Variants in CASR observed in about 807,000 individuals in gnomAD.
The protein encoded by CASR is extracellular calcium-sensing receptor.
In CASR, 23 loss-of-function variants were observed where a neutral mutation model predicts 69.1. The observed-to-expected ratio is 0.33, with a 90% CI of 0.24 to 0.47. CASR has a LOEUF of 0.47. CASR is among the 20% of genes least tolerant of loss of function. The pLI, the probability that CASR is intolerant of heterozygous loss-of-function variation, is 1.00. For synonymous variants in CASR, 541 were observed against 544.7 expected, an observed-to-expected ratio of 0.99 and a Z score of 0.10; for missense variants, 924 against 1,356.1, an observed-to-expected ratio of 0.68 and a Z score of 5.00.
rs78575810 is a variant in CASR, at chr3:122,214,680, A to G, written c.-243+30868A>G. 5.0e-3 allele frequency among the ~76,000 whole-genome samples: 768 copies of G among 152,344 alleles called. 4 individuals carry two copies. The highest frequency in any genetic ancestry group is 0.018 in the African/African-American group (731 of 41,570). ...CATAAACTGTATAGGTACACTTTAC[A>G]TCCTAGACTCTAATGGCTAGAATTT... On this transcript the variant is annotated intron_variant, in intron 1 of 6. Coordinates refer to ENST00000639785, the MANE Select transcript of CASR (RefSeq NM_000388.4).
At chr3:122,256,691 C>T (rs2074557983) in intron 2 of CASR, among the ~76,000 whole-genome samples, 1 of 152,166 alleles carries the variant, frequency 6.6e-6, no homozygotes, top group African/African-American at 2.4e-5. Flanking sequence ...AATCTCAGCT[C>T]ACTGCAACTT....
intron 1 of CASR, among the ~76,000 whole-genome samples, chr3:122,249,243 T>C (rs9875101): frequency 0.67 from 101,649 of 152,104 alleles, 34,272 homozygotes; most frequent in Admixed American, 0.78. Flanking sequence ...TTAATTCTCT[T>C]TCCCAGCAAT....
chr3:122,241,831 A>G lies in CASR; in HGVS notation c.-242-12117A>G, dbSNP rs1010335998. On this transcript the variant is annotated intron_variant, in intron 1 of 6. Transcript: ENST00000639785. ...CAATACATTAAAAATATCATTCATC[A>G]TGACCAAGTGGGATCTATCCTGTGG... is the stretch of plus-strand genomic sequence containing the variant. Among the ~76,000 whole-genome samples the G allele has an allele frequency of 2.8e-4, 42 of 152,188 alleles. 1 individual carries two copies. The highest frequency in any genetic ancestry group is 1.0e-4 in the Non-Finnish European group (7 of 68,022).
intron 1 of CASR, among the ~76,000 whole-genome samples, chr3:122,213,954 G>T (rs1204257570): frequency 6.6e-6 from 1 of 152,106 alleles, no homozygotes; most frequent in Non-Finnish European, 1.5e-5. Flanking sequence ...CATTGTTCTG[G>T]ACCCATATCA....
intron 5 of CASR, among the ~76,000 whole-genome samples, chr3:122,281,369 T>C (rs961689216): frequency 3.3e-5 from 5 of 152,256 alleles, no homozygotes; most frequent in Admixed American, 1.3e-4. Flanking sequence ...TCAAAATGTA[T>C]GCACTTATTT....
chr3:122,235,740 AGCTAT>A (rs546641902), intron 1 of CASR, among the ~76,000 whole-genome samples: 230 of 152,292 alleles, frequency 1.5e-3, no homozygotes, highest in African/African-American at 5.4e-3. Flanking sequence ...GACTGCGGTG[AGCTAT>A]GATCATGGCA....
At position 122,261,823 on chromosome 3, in the gene CASR, C is replaced by T. The variant is rs201456938; in HGVS notation, c.788C>T (p.Thr263Met). ...QHVVEVIQNS[T>M]AKVIVVFSSG... is the part of the protein sequence containing the mutation. Reference sequence around the variant, plus strand: ...GTGGTAGAGGTGATTCAAAATTCCACGGCCAAAGTCATCGTGGTTTTCTCC... The same window carrying T: ...GTGGTAGAGGTGATTCAAAATTCCATGGCCAAAGTCATCGTGGTTTTCTCC... Residue 263 changes from threonine to methionine, a missense_variant, in exon 4 of 7, where the codon ACG becomes ATG. Physicochemically the swap from Thr to Met is moderately conservative, Grantham distance 81. Coordinates refer to ENST00000639785, the MANE Select transcript of CASR (RefSeq NM_000388.4). 9 of 1,614,218 alleles carry T rather than the reference C, an allele frequency of 5.6e-6. No homozygotes were observed. Among genetic ancestry groups the T allele is most frequent in the Admixed American group, 1.7e-5 (1 of 60,030 alleles).
In CASR at chr3:122,262,199, GA is replaced by G. The variant is rs764452647; in HGVS notation, c.1165del (p.Thr389GlnfsTer21). ...ESGDRFSNSS[T>X]AFRPLCTGDE... ...GTGGCGACAGGTTTAGCAACAGCTC[GA>G]CAGCCTTCCGACCCCTCTGTACAGG... On this transcript the variant is annotated frameshift_variant, in exon 4 of 7. Coordinates refer to ENST00000639785, the MANE Select transcript of CASR (RefSeq NM_000388.4). LOFTEE classifies it high-confidence loss of function. The G allele has an allele frequency of 6.2e-7, 1 of 1,614,194 alleles. No individual in the cohort carries two copies. Among genetic ancestry groups the G allele is most frequent in the South Asian group, 1.1e-5 (1 of 91,078 alleles).
intron 4 of CASR, among the ~76,000 whole-genome samples, chr3:122,262,762 G>C (rs34408666): frequency 1.3e-5 from 2 of 152,072 alleles, no homozygotes; most frequent in Non-Finnish European, 2.9e-5. Flanking sequence ...TTGTGAGTAA[G>C]AAGTATTTTT....
intron 4 of CASR, among the ~76,000 whole-genome samples, chr3:122,271,032 T>C (rs905588493): frequency 4.6e-5 from 7 of 152,182 alleles, no homozygotes; most frequent in African/African-American, 1.7e-4. Context: ...GTCCAAGTCT[T>C]TTAAGTCTTT....
Position 122,261,920 on chromosome 3 carries a change from C to T in CASR, c.885C>T (p.Ala295=), listed in dbSNP as rs147307274. The T allele has an allele frequency of 4.8e-5, 78 of 1,614,178 alleles. No individual in the cohort carries two copies. The African/African-American group carries it at 8.5e-4, about 18-fold the overall frequency. The change falls in exon 4 of 7, where the codon GCC becomes GCT. Residue 295 remains alanine (A), a synonymous_variant. Transcript: ENST00000639785. ...ATATCACGGGCAAGATCTGGCTGGC[C>T]AGCGAGGCCTGGGCCAGCTCCTCCC... is the stretch of plus-strand genomic sequence containing the variant. ...RRNITGKIWL[A]SEAWASSSLI...
intron 1 of CASR, among the ~76,000 whole-genome samples, chr3:122,230,624 A>C (rs1196141257): frequency 6.6e-6 from 1 of 152,196 alleles, no homozygotes; most frequent in African/African-American, 2.4e-5. Context: ...CCTGAGCAGG[A>C]CTTGGAAAGG....
At chr3:122,186,699 AGACT>A (rs2073788309) in intron 1 of CASR, among the ~76,000 whole-genome samples, 1 of 152,258 alleles carries the variant, frequency 6.6e-6, no homozygotes, top group South Asian at 2.1e-4. Context: ...GGGTGTATAC[AGACT>A]GAACTGTGAG....
intron 1 of CASR, among the ~76,000 whole-genome samples, chr3:122,224,436 C>T (rs897886418): frequency 5.9e-5 from 9 of 152,000 alleles, no homozygotes; most frequent in East Asian, 1.9e-4. Flanking sequence ...CACAATTCCA[C>T]GTACAATAGC....
At chr3:122,256,742 C>T (rs1048729428) in intron 2 of CASR, among the ~76,000 whole-genome samples, 1 of 152,138 alleles carries the variant, frequency 6.6e-6, no homozygotes, top group Non-Finnish European at 1.5e-5. Flanking sequence ...CTCAGCCTCC[C>T]CTGTAGCTGG....
chr3:122,253,917 C>T (rs201690958), intron 1 of CASR, 31 bp from the exon 2 acceptor site: 55 of 473,270 alleles, frequency 1.2e-4, no homozygotes, highest in South Asian at 5.1e-4. Flanking sequence ...TGAGGTTTAG[C>T]TGAATCCATT....
At chr3:122,237,963 GT>G (rs2074344996) in intron 1 of CASR, among the ~76,000 whole-genome samples, 1 of 152,210 alleles carries the variant, frequency 6.6e-6, no homozygotes, top group South Asian at 2.1e-4. Context: ...AAAAAGGCAT[GT>G]TTAAGAAAGC....
chr3:122,221,844 T>G (rs2107602398), intron 1 of CASR, among the ~76,000 whole-genome samples: 1 of 152,348 alleles, frequency 6.6e-6, no homozygotes, highest in African/African-American at 2.4e-5. Context: ...TTGGGAAGAT[T>G]TAATGAACAA....
intron 1 of CASR, among the ~76,000 whole-genome samples, chr3:122,213,360 T>A (rs566933372): frequency 6.6e-6 from 1 of 152,308 alleles, no homozygotes; most frequent in Non-Finnish European, 1.5e-5. Context: ...GTATTGTCCG[T>A]ACCCACCCAG....
Sources: allele counts gnomAD v4.1 joint callset (sites outside exome capture counted in the v4.1 genomes callset), GRCh38; gene constraint gnomAD v4.1.1; transcripts MANE v1.5; gene names NCBI Gene and HGNC (gene_info 2026-07-23, HGNC 2026-07-21).